The following SMAP2 variants were observed in gnomAD, a reference collection of about 807,000 sequenced individuals.
The protein encoded by SMAP2 is stromal membrane-associated protein 2.
In SMAP2, 25 loss-of-function variants were observed where a neutral mutation model predicts 56.4. That is an observed-to-expected ratio of 0.44 (90% CI 0.32 to 0.62). The LOEUF (loss-of-function observed/expected upper bound fraction) is 0.62. Among genes scored for constraint, SMAP2 ranks in the 20% least tolerant of loss-of-function variants. The pLI is 0.04. For synonymous variants in SMAP2, 157 were observed against 181.7 expected (o/e 0.86, Z 1.09); for missense variants, 388 against 545.6 (o/e 0.71, Z 2.88).
intron 8 of SMAP2, 134 bp downstream of exon 8, chr1:40,416,475 C>A: frequency 1.0e-6 from 1 of 953,994 alleles, no homozygotes; most frequent in Non-Finnish European, 1.6e-6. Flanking sequence ...TGAACATGAC[C>A]AACGTATCAG....
At chr1:40,364,216 T>C (rs1003135437) in intron 2 of SMAP2, among the ~76,000 whole-genome samples, 1 of 152,192 alleles carries the variant, frequency 6.6e-6, no homozygotes, top group African/African-American at 2.4e-5. Context: ...GGGCATTTTA[T>C]TACTGTGGCT....
chr1:40,379,945 A>G (rs1210136279), intron 1 of SMAP2, among the ~76,000 whole-genome samples: 1 of 152,214 alleles, frequency 6.6e-6, no homozygotes, highest in East Asian at 1.9e-4. Flanking sequence ...TAGACTTGGT[A>G]TTGGAACAGC....
chr1:40,379,778 C>T (rs1466089600), intron 1 of SMAP2, among the ~76,000 whole-genome samples: 2 of 152,022 alleles, frequency 1.3e-5, no homozygotes, highest in Non-Finnish European at 2.9e-5. Flanking sequence ...GTGATCTGCC[C>T]ACCTTGGCCT....
At chr1:40,400,121 A>G (rs1644817489) in intron 1 of SMAP2, among the ~76,000 whole-genome samples, 1 of 152,210 alleles carries the variant, frequency 6.6e-6, no homozygotes, top group Non-Finnish European at 1.5e-5. Context: ...TGCAAGTGGC[A>G]TTTGGCAGTT....
At chr1:40,391,501 C>T (rs1002356107) in intron 1 of SMAP2, among the ~76,000 whole-genome samples, 6 of 152,112 alleles carry the variant, frequency 3.9e-5, no homozygotes, top group African/African-American at 1.4e-4. Flanking sequence ...AGCATTCACT[C>T]ACAAAGGCTA....
At chr1:40,347,565 C>T (rs759097165) in intron 1 of SMAP2, among the ~76,000 whole-genome samples, 20 of 151,690 alleles carry the variant, frequency 1.3e-4, no homozygotes, top group Non-Finnish European at 2.8e-4. Flanking sequence ...TGCAGTGGCA[C>T]AATCTCAGCT....
rs140952689 is a variant in SMAP2, at chr1:40,398,701, A to G, written c.104-8035A>G. Among the ~76,000 whole-genome samples the G allele has an allele frequency of 2.0e-3, 307 of 152,270 alleles. 2 individuals carry two copies. The highest frequency in any genetic ancestry group is 7.1e-3 in the African/African-American group (293 of 41,544). On this transcript the variant is annotated intron_variant, in intron 1 of 9. Coordinates refer to ENST00000372718, the MANE Select transcript of SMAP2 (RefSeq NM_022733.3). The stretch of plus-strand genomic sequence containing the variant: ...TTTTGTTTTTTTGAGATAGGGTGTC[A>G]ATATGTTGCCCAGGCTGGCCTCAAA...
chr1:40,399,572 C>T (rs925352147), intron 1 of SMAP2, among the ~76,000 whole-genome samples: 4 of 148,890 alleles, frequency 2.7e-5, no homozygotes, highest in Non-Finnish European at 5.9e-5. Context: ...CGTGGTGGCT[C>T]ATGCATCTAG....
chr1:40,353,943 G>T (rs1644421541), intron 1 of SMAP2, among the ~76,000 whole-genome samples: 1 of 151,854 alleles, frequency 6.6e-6, no homozygotes, highest in Non-Finnish European at 1.5e-5. Context: ...GCTTGTCTGG[G>T]GACCACACTT....
intron 1 of SMAP2, among the ~76,000 whole-genome samples, chr1:40,387,713 C>G (rs191759565): frequency 6.6e-6 from 1 of 152,326 alleles, no homozygotes; most frequent in East Asian, 1.9e-4. Flanking sequence ...AGCCCTCGCT[C>G]GCTCTCGGTG....
intron 1 of SMAP2, among the ~76,000 whole-genome samples, chr1:40,377,511 A>G (rs1644552184): frequency 6.6e-6 from 1 of 152,202 alleles, no homozygotes; most frequent in Non-Finnish European, 1.5e-5. Context: ...CTCTAGGCTC[A>G]AGATGTGATT....
rs209586 is a variant in SMAP2, at chr1:40,388,288, T to G, written c.103+14065T>G. ...CTCCACCTGCAGCCCCAGTGCGAGA[T>G]CCACTGGATGAAGCCAGCTGGGCTC... is the stretch of plus-strand genomic sequence containing the variant. On this transcript the variant is annotated intron_variant, in intron 1 of 9. Transcript: ENST00000372718. Among the ~76,000 whole-genome samples, 775 of 152,338 alleles carry G rather than the reference T, an allele frequency of 5.1e-3. 10 individuals are homozygous for G. Among genetic ancestry groups the G allele is most frequent in the African/African-American group, 0.018 (749 of 41,596 alleles).
chr1:40,356,733 C>G (rs1644438254), intron 1 of SMAP2, among the ~76,000 whole-genome samples: 1 of 152,090 alleles, frequency 6.6e-6, no homozygotes, highest in South Asian at 2.1e-4. Context: ...TTTTGAGGAA[C>G]CTCCAAACTG....
At chr1:40,420,790 T>A (rs1033578078) in intron 9 of SMAP2, among the ~76,000 whole-genome samples, 1 of 152,116 alleles carries the variant, frequency 6.6e-6, no homozygotes, top group Non-Finnish European at 1.5e-5. Context: ...AATTGAGGGG[T>A]ATGCTACAAA....
chr1:40,420,144 A>G (rs547957065), intron 9 of SMAP2, among the ~76,000 whole-genome samples: 59 of 152,216 alleles, frequency 3.9e-4, no homozygotes, highest in African/African-American at 1.4e-3. Context: ...TTTTCAAAGA[A>G]CCAGGATTTC....
chr1:40,353,764 T>G (rs1319728321), intron 1 of SMAP2, among the ~76,000 whole-genome samples: 5 of 152,022 alleles, frequency 3.3e-5, no homozygotes, highest in African/African-American at 1.2e-4. Context: ...TTTCTTTCTT[T>G]TTTTTTTAAC....
intron 1 of SMAP2, among the ~76,000 whole-genome samples, chr1:40,383,045 G>A (rs1259165142): frequency 6.6e-6 from 1 of 152,222 alleles, no homozygotes; most frequent in Non-Finnish European, 1.5e-5. Flanking sequence ...AGGAACAGAA[G>A]CCACTGTTGG....
intron 3 of SMAP2, 104 bp from the exon 4 acceptor site, chr1:40,409,653 C>G (rs779147363): frequency 9.0e-6 from 7 of 777,264 alleles, no homozygotes; most frequent in Non-Finnish European, 1.3e-5. Context: ...GGAAACCAGG[C>G]AAGAGGGAAG....
intron 1 of SMAP2, among the ~76,000 whole-genome samples, chr1:40,384,733 C>CA (rs939521848): frequency 1.3e-5 from 2 of 152,044 alleles, no homozygotes; most frequent in South Asian, 2.1e-4. Flanking sequence ...TTCTTTTCTC[C>CA]AAAAAACTCA....
Sources: allele counts gnomAD v4.1 joint callset (sites outside exome capture counted in the v4.1 genomes callset), GRCh38; gene constraint gnomAD v4.1.1; transcripts MANE v1.5; gene names NCBI Gene and HGNC (gene_info 2026-07-23, HGNC 2026-07-21).